DCLK3: variants seen among roughly 807,000 people sequenced by gnomAD.
The protein encoded by DCLK3 is doublecortin like kinase 3, also known as serine/threonine-protein kinase DCLK3.
In DCLK3, 30 loss-of-function variants were observed where a neutral mutation model predicts 46.4. The observed-to-expected ratio is 0.65, with a 90% CI of 0.48 to 0.88. The LOEUF is 0.88. Ranked by LOEUF, DCLK3 falls within the 40% of genes least tolerant of loss-of-function variation. The pLI is 0.00. For synonymous variants in DCLK3, 401 were observed against 339.2 expected (o/e 1.18, Z -2.00); for missense variants, 846 against 907.1 (o/e 0.93, Z 0.87).
At chr3:36,739,395 TG>T (rs1465243804) in intron 1 of DCLK3, among the ~76,000 whole-genome samples, 16 of 152,228 alleles carry the variant, frequency 1.1e-4, no homozygotes, top group African/African-American at 3.9e-4. Flanking sequence ...AATCTCATCT[TG>T]AATTGTACTC....
At chr3:36,732,439 G>C (rs13059217) in intron 2 of DCLK3, among the ~76,000 whole-genome samples, 2 of 152,128 alleles carry the variant, frequency 1.3e-5, no homozygotes, top group Non-Finnish European at 2.9e-5. Flanking sequence ...TGGATACTGA[G>C]AGCCTGTCTT....
intron 2 of DCLK3, among the ~76,000 whole-genome samples, chr3:36,730,509 A>G (rs1324881977): frequency 6.6e-6 from 1 of 152,260 alleles, no homozygotes; most frequent in Non-Finnish European, 1.5e-5. Flanking sequence ...CTATTAATGA[A>G]CAATATTCAA....
At chr3:36,724,828 T>C (rs1001878448) in intron 2 of DCLK3, among the ~76,000 whole-genome samples, 2 of 151,988 alleles carry the variant, frequency 1.3e-5, no homozygotes, top group Admixed American at 6.6e-5. Context: ...AATTAAAAAT[T>C]ATGAAAAATG....
At chr3:36,757,234 C>T (rs1168870291) in intron 1 of DCLK3, among the ~76,000 whole-genome samples, 1 of 152,166 alleles carries the variant, frequency 6.6e-6, no homozygotes, top group East Asian at 1.9e-4. Flanking sequence ...CTGCCCTCCA[C>T]TTCCCCAAAG....
In DCLK3 at chr3:36,737,181, CCCATAT is replaced by C; in HGVS notation, c.1959+21_1959+26del. Reference sequence around the variant, plus strand: ...ATCCCATATTCTAAAAACACCCTCTCCCATATCATCAAAAGTCAAGGCTTACCAAAA... The same window carrying C: ...ATCCCATATTCTAAAAACACCCTCTCCATCAAAAGTCAAGGCTTACCAAAA... On this transcript the variant is annotated intron_variant, in intron 2 of 4. Coordinates refer to ENST00000636136, the MANE Select transcript of DCLK3 (RefSeq NM_001394672.2). This position sits in a 1 kb window ranked among gnomAD's most constrained non-coding sequence, Gnocchi z 4.4. 1 of 1,602,486 alleles carries C rather than the reference CCCATAT, an allele frequency of 6.2e-7. No homozygotes were observed. The highest frequency in any genetic ancestry group is 8.5e-7 in the Non-Finnish European group (1 of 1,173,068).
At chr3:36,763,875 A>C (rs1450877088) in intron 1 of DCLK3, among the ~76,000 whole-genome samples, 2 of 152,230 alleles carry the variant, frequency 1.3e-5, no homozygotes, top group African/African-American at 4.8e-5. Flanking sequence ...AAAGACACCC[A>C]GTGCGTTTCC....
chr3:36,764,019 T>TACAC lies in DCLK3; in HGVS notation c.82+159_82+162dup. On this transcript the variant is annotated intron_variant, in intron 1 of 4. Transcript: ENST00000636136. This position sits in a 1 kb window ranked among gnomAD's most constrained non-coding sequence, Gnocchi z 4.9. Reference sequence around the variant, plus strand: ...ACACACGTACACACACATACACACGTACACACACATACACACACACAGTCC... The same window carrying TACAC: ...ACACACGTACACACACATACACACGTACACACACACACATACACACACACAGTCC... Among the ~76,000 whole-genome samples, 1 of 152,088 alleles carries TACAC rather than the reference T, an allele frequency of 6.6e-6. No individual in the cohort carries two copies. The highest frequency in any genetic ancestry group is 2.4e-5 in the African/African-American group (1 of 41,544).
chr3:36,739,190 A>T, intron 1 of DCLK3, 106 bp from the exon 2 acceptor site: 1 of 397,092 alleles, frequency 2.5e-6, no homozygotes. Flanking sequence ...ATTACAGTTT[A>T]TAAGTGTGGT....
chr3:36,733,485 A>G (rs1415569477), intron 2 of DCLK3, among the ~76,000 whole-genome samples: 1 of 152,220 alleles, frequency 6.6e-6, no homozygotes, highest in Non-Finnish European at 1.5e-5. Context: ...GCCATCAGCT[A>G]TAAATAACCT....
intron 1 of DCLK3, among the ~76,000 whole-genome samples, chr3:36,744,936 CG>C (rs2125534213): frequency 6.6e-6 from 1 of 152,310 alleles, no homozygotes; most frequent in South Asian, 2.1e-4. Context: ...GTAACTGCAC[CG>C]GCATGGCATG....
chr3:36,751,373 C>T (rs1014147988), intron 1 of DCLK3, among the ~76,000 whole-genome samples: 4 of 152,152 alleles, frequency 2.6e-5, no homozygotes, highest in South Asian at 2.1e-4. Context: ...CCCACTAGCC[C>T]GTCCTCCCAG....
chr3:36,746,160 T>C (rs1332783037), intron 1 of DCLK3, among the ~76,000 whole-genome samples: 2 of 152,202 alleles, frequency 1.3e-5, no homozygotes, highest in Non-Finnish European at 2.9e-5. Flanking sequence ...AGTGCCTCTG[T>C]CCAGGGTTGG....
intron 2 of DCLK3, among the ~76,000 whole-genome samples, chr3:36,731,815 C>A (rs1479701546): frequency 6.6e-6 from 1 of 152,144 alleles, no homozygotes; most frequent in Non-Finnish European, 1.5e-5. Flanking sequence ...TTCTCCCTCC[C>A]CTCACATAAA....
rs546421568 is a variant in DCLK3, at chr3:36,713,620, T to C, written c.*1708A>G. 1 of 152,308 alleles carries C rather than the reference T, an allele frequency of 6.6e-6. No homozygotes were observed. Among genetic ancestry groups the C allele is most frequent in the East Asian group, 1.9e-4 (1 of 5,172 alleles). 9.4% of individuals were successfully genotyped at this position (152,308 alleles called of 1,614,324 possible). On this transcript the variant is annotated 3_prime_UTR_variant, in exon 5 of 5. Coordinates refer to ENST00000636136, the MANE Select transcript of DCLK3 (RefSeq NM_001394672.2). ...AAGTTTCTAGGGGGTGTCAACGGTT[T>C]GGTTTCCCGAGAAGCCAACTCTAAA...
chr3:36,720,501 C>T (rs1310872343), intron 3 of DCLK3, among the ~76,000 whole-genome samples: 1 of 110,500 alleles, frequency 9.0e-6, no homozygotes, highest in Non-Finnish European at 1.8e-5. Flanking sequence ...GTCATCTCCT[C>T]ATCTTTTTTT....
chr3:36,714,785 G>A lies in DCLK3; in HGVS notation c.*543C>T, dbSNP rs957528645. 5 of 152,600 alleles carry A rather than the reference G, an allele frequency of 3.3e-5. 1 individual carries two copies. The allele number at this position is 152,600 out of a possible 1,614,324, so 9.5% of individuals were successfully genotyped here. On this transcript the variant is annotated 3_prime_UTR_variant, in exon 5 of 5. Coordinates refer to ENST00000636136, the MANE Select transcript of DCLK3 (RefSeq NM_001394672.2). ...AGATTAGTGCATCCTAAATAAACAG[G>A]TCTTGTCAACTAATCAAGTGTCCTT... is the stretch of plus-strand genomic sequence containing the variant.
intron 1 of DCLK3, among the ~76,000 whole-genome samples, chr3:36,753,977 G>T (rs757308894): frequency 6.6e-6 from 1 of 152,172 alleles, no homozygotes; most frequent in Non-Finnish European, 1.5e-5. Flanking sequence ...ACGATGCCCA[G>T]CCTGTTCCCC....
chr3:36,733,903 T>C (rs1048659079), intron 2 of DCLK3, among the ~76,000 whole-genome samples: 1 of 152,160 alleles, frequency 6.6e-6, no homozygotes, highest in African/African-American at 2.4e-5. Flanking sequence ...CACATACAGA[T>C]AGTCTCTAAA....
rs1004633395 is a variant in DCLK3, at chr3:36,764,492, C to T, written c.-229G>A. On this transcript the variant is annotated 5_prime_UTR_variant, in exon 1 of 5. Transcript: ENST00000636136. This position sits in a 1 kb window ranked among gnomAD's most constrained non-coding sequence, Gnocchi z 4.9. ...TCTCCGGGGGCGCGGGACTTAGCAA[C>T]CGCGCACCAGCTGCAGCCGCCCTCT... The T allele has an allele frequency of 9.1e-5, 15 of 164,086 alleles. No individual in the cohort carries two copies. Among genetic ancestry groups the T allele is most frequent in the African/African-American group, 3.4e-4 (14 of 41,646 alleles). The allele number at this position is 164,086 out of a possible 1,614,324, so 10.2% of individuals were successfully genotyped here. A position where few individuals can be genotyped will look rare whatever the true frequency, so the allele number is the denominator to read the frequency against.
Sources: allele counts gnomAD v4.1 joint callset (sites outside exome capture counted in the v4.1 genomes callset), GRCh38; gene constraint gnomAD v4.1.1; non-coding constraint Gnocchi (gnomAD v3.1); transcripts MANE v1.5; gene names NCBI Gene and HGNC (gene_info 2026-07-23, HGNC 2026-07-21).